Variants in TBC1D22A observed in about 807,000 individuals in gnomAD.
TBC1D22A encodes the protein TBC1 domain family member 22A.
A neutral mutation model predicts 60.2 loss-of-function variants in TBC1D22A; 38 were observed. That is an observed-to-expected ratio of 0.63 (90% CI 0.49 to 0.83). The LOEUF is 0.83. TBC1D22A is among the 40% of genes least tolerant of loss of function. TBC1D22A has a pLI of 0.00. For synonymous variants in TBC1D22A, 302 were observed against 281.7 expected, an observed-to-expected ratio of 1.07 and a Z score of -0.72; for missense variants, 628 against 701.0, an observed-to-expected ratio of 0.90 and a Z score of 1.18.
At chr22:46,865,889 C>T (rs902701088) in intron 4 of TBC1D22A, among the ~76,000 whole-genome samples, 1 of 152,184 alleles carries the variant, frequency 6.6e-6, no homozygotes, top group African/African-American at 2.4e-5. Context: ...TTATGTTTAT[C>T]TGTAGCACAG....
intron 10 of TBC1D22A, among the ~76,000 whole-genome samples, chr22:47,018,598 G>A (rs2061979437): frequency 6.6e-6 from 1 of 152,160 alleles, no homozygotes; most frequent in Non-Finnish European, 1.5e-5. Flanking sequence ...TGGCTGTTTA[G>A]TGAATGGCCA....
chr22:46,840,987 A>G (rs1230984007), intron 4 of TBC1D22A, among the ~76,000 whole-genome samples: 2 of 152,038 alleles, frequency 1.3e-5, no homozygotes, highest in Non-Finnish European at 1.5e-5. Flanking sequence ...ATTATTCTCA[A>G]TAGCCAAGAC....
intron 4 of TBC1D22A, among the ~76,000 whole-genome samples, chr22:46,802,768 G>GT (rs1417639900): frequency 1.3e-5 from 2 of 151,996 alleles, no homozygotes; most frequent in Non-Finnish European, 2.9e-5. Flanking sequence ...GGAGTCCTTG[G>GT]GCAGCTCATG....
intron 9 of TBC1D22A, among the ~76,000 whole-genome samples, chr22:46,980,140 AAC>A (rs2074456840): frequency 6.6e-6 from 1 of 152,198 alleles, no homozygotes; most frequent in Non-Finnish European, 1.5e-5. Context: ...AGGAGAATGA[AAC>A]AGTTTAAAAT....
intron 11 of TBC1D22A, among the ~76,000 whole-genome samples, chr22:47,073,735 T>C (rs2064097242): frequency 6.6e-6 from 1 of 152,184 alleles, no homozygotes; most frequent in Admixed American, 6.5e-5. Flanking sequence ...TCTACAGAAG[T>C]CTGCGTGTCG....
intron 8 of TBC1D22A, among the ~76,000 whole-genome samples, chr22:46,939,902 A>G (rs2071881954): frequency 6.6e-6 from 1 of 152,218 alleles, no homozygotes; most frequent in Admixed American, 6.5e-5. Flanking sequence ...CTGCTTACAG[A>G]TGTGACCCAG....
chr22:47,037,300 TC>T, intron 11 of TBC1D22A, 102 bp downstream of exon 11: 1 of 1,492,604 alleles, frequency 6.7e-7, no homozygotes, highest in Non-Finnish European at 9.1e-7. Flanking sequence ...GATTTTTTCT[TC>T]CAAGCGCTCT....
chr22:46,927,061 T>C (rs2071087273), intron 8 of TBC1D22A, among the ~76,000 whole-genome samples: 1 of 152,170 alleles, frequency 6.6e-6, no homozygotes, highest in South Asian at 2.1e-4. Context: ...ATAGACTCTT[T>C]CAAAAAATAG....
chr22:47,133,070 T>C (rs1390632570), intron 12 of TBC1D22A, among the ~76,000 whole-genome samples: 2 of 151,632 alleles, frequency 1.3e-5, no homozygotes, highest in African/African-American at 4.9e-5. Context: ...AGTAGGCAAA[T>C]GTTTAGGCGA....
chr22:46,797,580 C>G lies in TBC1D22A; in HGVS notation c.597C>G (p.Asp199Glu), dbSNP rs778261467. 2 of 1,611,394 alleles carry G rather than the reference C, an allele frequency of 1.2e-6. No individual in the cohort carries two copies. Among genetic ancestry groups the G allele is most frequent in the East Asian group, 2.2e-5 (1 of 44,798 alleles). Residue 199 changes from aspartate to glutamate, a missense_variant, in exon 4 of 13, where the codon GAC (aspartate) becomes GAG (glutamate). Transcript: ENST00000337137. ...ALSEREASRL[D>E]KFKQLLAGPN... ...GCGAAAGAGAGGCCTCCCGGCTCGA[C>G]AAGTTCAAGCAGCTGCTTGCCGGCC...
At chr22:47,130,618 C>A (rs1333254598) in intron 12 of TBC1D22A, among the ~76,000 whole-genome samples, 1 of 152,176 alleles carries the variant, frequency 6.6e-6, no homozygotes, top group African/African-American at 2.4e-5. Flanking sequence ...TGTGTTTGCA[C>A]CTTTTCGTTC....
chr22:46,996,097 G>A (rs1385185176), intron 9 of TBC1D22A, among the ~76,000 whole-genome samples: 1 of 152,230 alleles, frequency 6.6e-6, no homozygotes. Flanking sequence ...CGCACAGGCA[G>A]CAGATCATCC....
chr22:46,983,285 A>G (rs1384516259), intron 9 of TBC1D22A, among the ~76,000 whole-genome samples: 2 of 152,230 alleles, frequency 1.3e-5, no homozygotes, highest in East Asian at 3.8e-4. Context: ...GTGGGACACC[A>G]CTAAGTGCAG....
intron 8 of TBC1D22A, among the ~76,000 whole-genome samples, chr22:46,941,427 G>A (rs1182278566): frequency 1.8e-4 from 14 of 79,376 alleles, no homozygotes; most frequent in Admixed American, 5.2e-4. Flanking sequence ...GAATATACAC[G>A]GAATATATAT....
At chr22:46,967,811 T>A (rs1042242066) in intron 8 of TBC1D22A, among the ~76,000 whole-genome samples, 4 of 151,636 alleles carry the variant, frequency 2.6e-5, no homozygotes, top group African/African-American at 9.7e-5. Flanking sequence ...CACCCCCTGG[T>A]AATTACAAGC....
chr22:46,880,694 C>T (rs183168320), intron 5 of TBC1D22A, among the ~76,000 whole-genome samples: 48 of 152,052 alleles, frequency 3.2e-4, no homozygotes, highest in Admixed American at 1.0e-3. Flanking sequence ...AGTACCACAG[C>T]GTGGGGGCAG....
intron 5 of TBC1D22A, among the ~76,000 whole-genome samples, chr22:46,886,406 T>C (rs1351433343): frequency 6.6e-6 from 1 of 152,228 alleles, no homozygotes; most frequent in Admixed American, 6.5e-5. Context: ...GATTGTTTTC[T>C]GGAGAGAGTG....
In TBC1D22A at chr22:47,031,405, A is replaced by G. The variant is rs2062469679; in HGVS notation, c.1202-5666A>G. The stretch of plus-strand genomic sequence containing the variant: ...CCCTGGGAAGTGGAGGCCCTGGTCA[A>G]TCTTTCCTTAAGGAACCAATGAAAG... On this transcript the variant is annotated intron_variant, in intron 10 of 12. Transcript: ENST00000337137. Among the ~76,000 whole-genome samples, 4 of 152,168 alleles carry G rather than the reference A, an allele frequency of 2.6e-5. No individual in the cohort carries two copies. The South Asian group carries it at 6.2e-4, about 24-fold the overall frequency.
intron 12 of TBC1D22A, among the ~76,000 whole-genome samples, chr22:47,153,500 G>A (rs2067587016): frequency 6.6e-6 from 1 of 152,064 alleles, no homozygotes; most frequent in Non-Finnish European, 1.5e-5. Context: ...AAAGGCGTGA[G>A]AGAAGGGGGC....
Sources: gnomAD v4.1 joint callset for allele counts (sites outside exome capture counted in the v4.1 genomes callset) on GRCh38, gnomAD v4.1.1 for gene constraint, MANE v1.5 for transcripts, NCBI Gene and HGNC (gene_info 2026-07-23, HGNC 2026-07-21) for gene names.